Variants in GFAP observed in about 807,000 individuals in gnomAD.
The protein encoded by GFAP is glial fibrillary acidic protein.
Under a neutral mutation model 49.3 loss-of-function variants are expected in GFAP, and 38 were observed. The ratio of observed to expected loss-of-function variants is 0.77; its 90% CI spans 0.60 to 1.01. The LOEUF (loss-of-function observed/expected upper bound fraction) is 1.01. GFAP is among the 50% of genes least tolerant of loss of function. GFAP has a pLI of 0.00. For synonymous variants in GFAP, 222 were observed against 236.4 expected (o/e 0.94, Z 0.56); for missense variants, 463 against 579.1 (o/e 0.80, Z 2.06).
chr17:44,903,434 A>G lies in GFAP; in HGVS notation c.*3913T>C. 1 of 1,251,606 alleles carries G rather than the reference A, an allele frequency of 8.0e-7. No individual in the cohort carries two copies. The allele number at this position is 1,251,606 out of a possible 1,614,324, so 77.5% of individuals were successfully genotyped here. ...CCTTCATCCCCCAGGTTGATGAAAG[A>G]CTTTTCCACCAGGCTGGCAGGGCAG... is the stretch of plus-strand genomic sequence containing the variant. On this transcript the variant is annotated 3_prime_UTR_variant, in exon 9 of 9. Coordinates refer to ENST00000588735, the MANE Select transcript of GFAP (RefSeq NM_002055.5).
Position 44,915,346 on chromosome 17 carries a change from C to T in GFAP, c.141G>A (p.Pro47=), listed in dbSNP as rs2229011. The change falls in exon 1 of 9, where the codon CCG becomes CCA. Residue 47 remains proline (P), a synonymous_variant. Transcript: ENST00000588735. The surrounding 1 kb of genome is among the most constrained non-coding windows in gnomAD (Gnocchi z 4.1). ...CAGCCAGGGAGAAATCCACCCGGGT[C>T]GGGAGTGGAGGGGGCATTCGAGCCA... ...LSLARMPPPL[P]TRVDFSLAGA... is the part of the protein sequence containing the mutation. The T allele has an allele frequency of 0.044, 70,288 of 1,612,616 alleles. 1,770 individuals are homozygous for T. Among genetic ancestry groups the T allele is most frequent in the Non-Finnish European group, 0.048 (57,130 of 1,178,948 alleles).
rs746439651 is a variant in GFAP at position 44,904,874 on chromosome 17, G to A, written c.*2473C>T. The A allele has an allele frequency of 1.3e-6, 2 of 1,550,650 alleles. No individual in the cohort carries two copies. The highest frequency in any genetic ancestry group is 1.2e-5 in the South Asian group (1 of 84,062). Reference sequence around the variant, plus strand: ...GGGCATCTACTATTGCTGGAGGCAGGGTGTGCTAGTTGCTGGCTTCCGGCT... The same window carrying A: ...GGGCATCTACTATTGCTGGAGGCAGAGTGTGCTAGTTGCTGGCTTCCGGCT... On this transcript the variant is annotated 3_prime_UTR_variant, in exon 9 of 9. Coordinates refer to ENST00000588735, the MANE Select transcript of GFAP (RefSeq NM_002055.5).
chr17:44,910,724 G>C lies in GFAP; in HGVS notation c.1128-66C>G, dbSNP rs2289679. 420,443 of 1,552,962 alleles carry C rather than the reference G, an allele frequency of 0.27. 57,369 individuals are homozygous for C. The highest frequency in any genetic ancestry group is 0.28 in the South Asian group (23,749 of 84,116). ...GGACACCCCTAGGCTGGGTCTTGGT[G>C]CGGGGCCATCATGACAACTTGAACG... is the stretch of plus-strand genomic sequence containing the variant. On this transcript the variant is annotated intron_variant, in intron 6 of 8. Coordinates refer to ENST00000588735, the MANE Select transcript of GFAP (RefSeq NM_002055.5).
At position 44,903,929 on chromosome 17, in the gene GFAP, G is replaced by T. The variant is rs1380184087; in HGVS notation, c.*3418C>A. 1 of 1,550,574 alleles carries T rather than the reference G, an allele frequency of 6.4e-7. No homozygotes were observed. Among genetic ancestry groups the T allele is most frequent in the Non-Finnish European group, 8.7e-7 (1 of 1,146,992 alleles). ...CATTTTTCAGAGGACCCCCTGCCCTGCTTTCCTGATGTTTGAAAATGCAGC... is the reference window on the plus strand; with the variant it reads ...CATTTTTCAGAGGACCCCCTGCCCTTCTTTCCTGATGTTTGAAAATGCAGC... On this transcript the variant is annotated 3_prime_UTR_variant, in exon 9 of 9. Coordinates refer to ENST00000588735, the MANE Select transcript of GFAP (RefSeq NM_002055.5).
chr17:44,908,245 A>C (rs748302653), intron 7 of GFAP, 96 bp from the exon 8 acceptor site: 1 of 838,656 alleles, frequency 1.2e-6, no homozygotes, highest in Non-Finnish European at 2.1e-6. Flanking sequence ...CCTCCCCATC[A>C]TGAGTATGAG....
Position 44,915,042 on chromosome 17 carries a change from C to CA in GFAP, c.444_445insT (p.Ala149CysfsTer10). 6.2e-7 allele frequency: 1 copy of CA among 1,611,774 alleles called. No individual in the cohort carries two copies. The highest frequency in any genetic ancestry group is 8.5e-7 in the Non-Finnish European group (1 of 1,179,928). On this transcript the variant is annotated frameshift_variant, in exon 1 of 9. Coordinates refer to ENST00000588735, the MANE Select transcript of GFAP (RefSeq NM_002055.5). LOFTEE classifies it high-confidence loss of function. This position sits in a 1 kb window ranked among gnomAD's most constrained non-coding sequence, Gnocchi z 4.1. Reference sequence around the variant, plus strand: ...CCTCCTCACTTCTGCCTCACAGTGGCCAGGTCCTGTGCCAGATTGTCCCTC... The same window carrying CA: ...CCTCCTCACTTCTGCCTCACAGTGGCACAGGTCCTGTGCCAGATTGTCCCTC...
At chr17:44,913,861 G>A (rs1412018397) in intron 2 of GFAP, 38 bp from the exon 3 acceptor site, 2 of 1,548,556 alleles carry the variant, frequency 1.3e-6, no homozygotes, top group Non-Finnish European at 1.8e-6. Context: ...GAGGGCCACT[G>A]GGGCCCCAGG....
In GFAP at chr17:44,905,337, A is replaced by C; in HGVS notation, c.*2010T>G. 2.1e-6 allele frequency: 1 copy of C among 480,892 alleles called. No homozygotes were observed. The highest frequency in any genetic ancestry group is 2.8e-5 in the South Asian group (1 of 35,176). 29.8% of individuals were successfully genotyped at this position (480,892 alleles called of 1,614,324 possible). On this transcript the variant is annotated 3_prime_UTR_variant, in exon 9 of 9. Transcript: ENST00000588735. The stretch of plus-strand genomic sequence containing the variant: ...GACTTCACATTTAGGTCAGAGAAGG[A>C]AAGTGTGAACTCAGATTTATCCAGT...
At position 44,906,562 on chromosome 17, in the gene GFAP, T is replaced by A. The variant is rs2051655373; in HGVS notation, c.*785A>T. 1 of 152,568 alleles carries A rather than the reference T, an allele frequency of 6.6e-6. No individual in the cohort carries two copies. Among genetic ancestry groups the A allele is most frequent in the African/African-American group, 2.4e-5 (1 of 41,440 alleles). The allele number at this position is 152,568 out of a possible 1,614,324, so 9.5% of individuals were successfully genotyped here. A position where few individuals can be genotyped will look rare whatever the true frequency, so the allele number is the denominator to read the frequency against. ...GCCCACAGCGTGCCCACAGATGGCATCCCTGGATGGCAGCTCAGGTGGACT... is the reference window on the plus strand; with the variant it reads ...GCCCACAGCGTGCCCACAGATGGCAACCCTGGATGGCAGCTCAGGTGGACT... On this transcript the variant is annotated 3_prime_UTR_variant, in exon 9 of 9. Transcript: ENST00000588735.
intron 3 of GFAP, 27 bp downstream of exon 3, chr17:44,913,701 G>A (rs375290121): frequency 6.5e-7 from 1 of 1,535,474 alleles, no homozygotes; most frequent in Non-Finnish European, 9.0e-7. Context: ...TCTGTGTTGA[G>A]CTTTCCTCCC....
chr17:44,908,192 C>A (rs1449481855), intron 7 of GFAP, 43 bp from the exon 8 acceptor site: 1 of 1,369,138 alleles, frequency 7.3e-7, no homozygotes, highest in Non-Finnish European at 1.0e-6. Context: ...ACTTTCAGGG[C>A]ATGAGCCATC....
At chr17:44,911,211 C>T in intron 6 of GFAP, 25 bp downstream of exon 6, 1 of 1,603,416 alleles carries the variant, frequency 6.2e-7, no homozygotes, top group East Asian at 2.2e-5. Context: ...GGGAGACTTC[C>T]CCAGGGGCTG....
chr17:44,905,200 C>T lies in GFAP; in HGVS notation c.*2147G>A. 1.4e-6 allele frequency: 1 copy of T among 735,112 alleles called. No individual in the cohort carries two copies. The highest frequency in any genetic ancestry group is 1.9e-5 in the South Asian group (1 of 52,266). 45.5% of individuals were successfully genotyped at this position (735,112 alleles called of 1,614,324 possible). On this transcript the variant is annotated 3_prime_UTR_variant, in exon 9 of 9. Coordinates refer to ENST00000588735, the MANE Select transcript of GFAP (RefSeq NM_002055.5). ...ATGTGGACAAATCTGTTACAGCCTG[C>T]TCCCCATTTTCATGGGCAGGTCTGG...
chr17:44,910,646 G>C lies in GFAP; in HGVS notation c.1140C>G (p.Pro380=). ...TCTGCAGGTTGGAGAAGGTCTGCAC[G>C]GGAATGGTGATCCTGAAAGAAAGCA... is the stretch of plus-strand genomic sequence containing the variant. ...LEGEENRITI[P]VQTFSNLQIR... is the part of the protein sequence containing the mutation. The change falls in exon 7 of 9, where the codon CCC becomes CCG. Residue 380 remains proline (P), a synonymous_variant. Transcript: ENST00000588735. The C allele has an allele frequency of 6.3e-7, 1 of 1,586,090 alleles. No homozygotes were observed. The highest frequency in any genetic ancestry group is 1.2e-5 in the South Asian group (1 of 86,706).
chr17:44,909,941 A>G (rs1210556320), intron 7 of GFAP: 2 of 1,434,586 alleles, frequency 1.4e-6, no homozygotes, highest in Non-Finnish European at 1.8e-6. Context: ...ACCACTAACA[A>G]GCTCTGCCAG....
rs2051607755 is a variant in GFAP at position 44,904,025 on chromosome 17, T to C, written c.*3322A>G. The stretch of plus-strand genomic sequence containing the variant: ...CGAAGAGGTGCCAGCTGTAGTCTGG[T>C]TCTACCAAAAGCACCTAGGTAGCAG... On this transcript the variant is annotated 3_prime_UTR_variant, in exon 9 of 9. Transcript: ENST00000588735. The C allele has an allele frequency of 6.4e-7, 1 of 1,550,650 alleles. No individual in the cohort carries two copies. Among genetic ancestry groups the C allele is most frequent in the Middle Eastern group, 1.7e-4 (1 of 5,992 alleles).
intron 7 of GFAP, chr17:44,909,818 C>T (rs2051716464): frequency 8.4e-7 from 1 of 1,193,030 alleles, no homozygotes; most frequent in Non-Finnish European, 1.0e-6. Flanking sequence ...GGCGTCCAGG[C>T]ACAGCGAGAC....
intron 2 of GFAP, 65 bp from the exon 3 acceptor site, chr17:44,913,888 C>A: frequency 7.0e-7 from 1 of 1,426,336 alleles, no homozygotes; most frequent in South Asian, 1.1e-5. Flanking sequence ...CTCCCCATTC[C>A]TCAGCCTTGC....
At position 44,904,146 on chromosome 17, in the gene GFAP, G is replaced by C; in HGVS notation, c.*3201C>G. Reference sequence around the variant, plus strand: ...GACATGCTGACCCGCTTCAGCATCCGCATGTTCAGCTTGTTGGTTTTCAGG... The same window carrying C: ...GACATGCTGACCCGCTTCAGCATCCCCATGTTCAGCTTGTTGGTTTTCAGG... On this transcript the variant is annotated 3_prime_UTR_variant, in exon 9 of 9. Transcript: ENST00000588735. 6.5e-7 allele frequency: 1 copy of C among 1,550,332 alleles called. No homozygotes were observed. Among genetic ancestry groups the C allele is most frequent in the Non-Finnish European group, 8.7e-7 (1 of 1,146,742 alleles).
Sources: allele counts gnomAD v4.1 joint callset, GRCh38; gene constraint gnomAD v4.1.1; non-coding constraint Gnocchi (gnomAD v3.1); transcripts MANE v1.5; gene names NCBI Gene and HGNC (gene_info 2026-07-23, HGNC 2026-07-21).